The following CARNMT1 variants were observed in gnomAD, a reference collection of about 807,000 sequenced individuals.
The protein encoded by CARNMT1 is carnosine N-methyltransferase 1, also known as protein-L-histidine N-pros-methyltransferase CARNMT1.
CARNMT1 carries 28 observed loss-of-function variants against 49.6 expected under a neutral mutation model. The observed-to-expected ratio is 0.56, with a 90% confidence interval of 0.42 to 0.77. The LOEUF is 0.77. CARNMT1 is among the 30% of genes least tolerant of loss of function. The probability of loss-of-function intolerance (pLI) is 0.00; values close to 1 mark genes in which losing one functional copy is unlikely to be tolerated. For missense variants in CARNMT1, 421 were observed against 512.6 expected, an observed-to-expected ratio of 0.82 and a Z score of 1.73; for synonymous variants, 178 against 175.0, an observed-to-expected ratio of 1.02 and a Z score of -0.13.
chr9:74,995,016 T>C (rs1452874441), intron 6 of CARNMT1, among the ~76,000 whole-genome samples: 1 of 152,110 alleles, frequency 6.6e-6, no homozygotes, highest in Non-Finnish European at 1.5e-5. Context: ...GTAGTTACAA[T>C]TATTGTATTA....
chr9:75,005,959 AAC>A (rs1183347900), intron 3 of CARNMT1, among the ~76,000 whole-genome samples: 2 of 152,024 alleles, frequency 1.3e-5, no homozygotes, highest in Non-Finnish European at 2.9e-5. Context: ...CTGTGGCATA[AAC>A]AGAGTCCTAG....
chr9:75,027,457 T>C, intron 1 of CARNMT1: 2 of 985,410 alleles, frequency 2.0e-6, no homozygotes, highest in Non-Finnish European at 2.4e-6. Flanking sequence ...CTGAGCAGCA[T>C]CATTCAATCG....
intron 6 of CARNMT1, among the ~76,000 whole-genome samples, chr9:74,993,372 G>T (rs1254013365): frequency 1.3e-5 from 2 of 152,178 alleles, no homozygotes; most frequent in African/African-American, 2.4e-5. Flanking sequence ...CAGAGAAGGG[G>T]TGGTAAAAAA....
chr9:74,985,283 T>C (rs1221624906), intron 6 of CARNMT1, among the ~76,000 whole-genome samples: 1 of 152,042 alleles, frequency 6.6e-6, no homozygotes, highest in African/African-American at 2.4e-5. Flanking sequence ...ACTGAAGGAG[T>C]AGATGAATCA....
chr9:75,026,193 A>G (rs1822523438), intron 1 of CARNMT1, among the ~76,000 whole-genome samples: 1 of 152,212 alleles, frequency 6.6e-6, no homozygotes, highest in Admixed American at 6.5e-5. Context: ...TTACGCTGGT[A>G]AAGAAGAGAG....
At chr9:74,984,847 AAC>A in intron 7 of CARNMT1, 58 bp downstream of exon 7, 1 of 1,083,434 alleles carries the variant, frequency 9.2e-7, no homozygotes, top group South Asian at 1.3e-5. Flanking sequence ...CCATGATATC[AAC>A]ACTTCTGTTG....
intron 1 of CARNMT1, chr9:75,027,419 G>A (rs1822563241): frequency 2.0e-6 from 2 of 985,170 alleles, no homozygotes; most frequent in Non-Finnish European, 2.4e-6. Flanking sequence ...GACCACTTCC[G>A]CCCTTAATCA....
intron 1 of CARNMT1, chr9:75,027,120 A>C (rs1459482773): frequency 1.5e-6 from 2 of 1,304,134 alleles, no homozygotes; most frequent in East Asian, 5.5e-5. Flanking sequence ...GTGGACTCAT[A>C]TCTCTTACGT....
chr9:75,028,329 C>A, upstream of CARNMT1: 1 of 1,312,670 alleles, frequency 7.6e-7, no homozygotes, highest in Middle Eastern at 2.9e-4. Context: ...CTAGACGGCG[C>A]CCGCCGCGGA....
intron 3 of CARNMT1, among the ~76,000 whole-genome samples, chr9:75,009,060 CTTTTTTTT>C (rs752851220): frequency 6.4e-5 from 8 of 125,516 alleles, no homozygotes; most frequent in Non-Finnish European, 1.3e-4. Context: ...AAAGGACAGT[CTTTTTTTT>C]TTTTTTTTTT....
At chr9:75,011,288 C>T (rs1418560260) in intron 3 of CARNMT1, among the ~76,000 whole-genome samples, 2 of 152,148 alleles carry the variant, frequency 1.3e-5, no homozygotes, top group Non-Finnish European at 2.9e-5. Flanking sequence ...GGTGCTCCCA[C>T]GCTCCCTACC....
intron 6 of CARNMT1, among the ~76,000 whole-genome samples, chr9:74,994,256 A>T (rs965493520): frequency 6.6e-6 from 1 of 152,240 alleles, no homozygotes; most frequent in Admixed American, 6.5e-5. Context: ...TCCAGTCATC[A>T]GAACTGTGAG....
chr9:74,999,950 C>T, intron 3 of CARNMT1, 80 bp from the exon 4 acceptor site: 6 of 1,353,016 alleles, frequency 4.4e-6, no homozygotes, highest in Non-Finnish European at 6.1e-6. Context: ...CAACTAAAAA[C>T]TTACTCATTT....
intron 1 of CARNMT1, among the ~76,000 whole-genome samples, chr9:75,021,312 A>T (rs1209103786): frequency 6.8e-6 from 1 of 146,738 alleles, no homozygotes; most frequent in African/African-American, 2.5e-5. Context: ...TACTATATAC[A>T]TACCATATAT....
At chr9:75,008,277 G>T (rs945928717) in intron 3 of CARNMT1, among the ~76,000 whole-genome samples, 1 of 151,490 alleles carries the variant, frequency 6.6e-6, no homozygotes, top group East Asian at 1.9e-4. Context: ...CAGCCCACTG[G>T]CCACGGGTTG....
chr9:75,021,640 T>G (rs1157895744), intron 1 of CARNMT1, among the ~76,000 whole-genome samples: 1 of 151,512 alleles, frequency 6.6e-6, no homozygotes, highest in African/African-American at 2.4e-5. Context: ...CATTTCCGTT[T>G]TGCTTAACAC....
intron 6 of CARNMT1, among the ~76,000 whole-genome samples, chr9:74,987,898 C>T (rs1832892326): frequency 6.6e-6 from 1 of 151,932 alleles, no homozygotes; most frequent in Non-Finnish European, 1.5e-5. Context: ...CTCTTTGAGG[C>T]TGAGCAGTTT....
rs187974398 is a variant in CARNMT1, at chr9:75,019,214, C to T, written c.231-1766G>A. On this transcript the variant is annotated intron_variant, in intron 1 of 7. Transcript: ENST00000376834. ...CTGGGGAGTCATGCCTTACTAATTA[C>T]GAAATCTCACTGGACAGGTTTTTAT... Among the ~76,000 whole-genome samples, 20 of 152,226 alleles carry T rather than the reference C, an allele frequency of 1.3e-4. No homozygotes were observed. The East Asian group carries it at 2.9e-3, about 22-fold the overall frequency.
At chr9:75,014,924 T>A (rs1032592069) in intron 3 of CARNMT1, among the ~76,000 whole-genome samples, 1 of 152,098 alleles carries the variant, frequency 6.6e-6, no homozygotes, top group African/African-American at 2.4e-5. Flanking sequence ...GTATTGAAAT[T>A]TCTGAAAGCA....
Sources: allele counts gnomAD v4.1 joint callset (sites outside exome capture counted in the v4.1 genomes callset), GRCh38; gene constraint gnomAD v4.1.1; transcripts MANE v1.5; gene names NCBI Gene and HGNC (gene_info 2026-07-23, HGNC 2026-07-21).